The following PPA1 variants were observed in gnomAD, a reference collection of about 807,000 sequenced individuals.
The protein encoded by PPA1 is inorganic pyrophosphatase 1.
A neutral mutation model predicts 41.8 loss-of-function variants in PPA1; 23 were observed. The observed-to-expected ratio is 0.55, with a 90% CI of 0.40 to 0.78. The LOEUF is 0.78. Among genes scored for constraint, PPA1 ranks in the 30% least tolerant of loss-of-function variants. PPA1 has a pLI of 0.00. For synonymous variants in PPA1, 101 were observed against 116.8 expected, an observed-to-expected ratio of 0.86 and a Z score of 0.87; for missense variants, 320 against 361.6, an observed-to-expected ratio of 0.89 and a Z score of 0.93.
chr10:70,221,076 A>ATATATTTTTTTTTTTT (rs1224550178), intron 2 of PPA1, among the ~76,000 whole-genome samples: 3 of 40,050 alleles, frequency 7.5e-5, no homozygotes, highest in South Asian at 1.2e-3. Context: ...ATATATATAT[A>ATATATTTTTTTTTTTT]TTTTTTTTTT....
chr10:70,233,156 C>T, intron 1 of PPA1, 108 bp downstream of exon 1: 3 of 1,246,708 alleles, frequency 2.4e-6, no homozygotes, highest in Non-Finnish European at 3.2e-6. Flanking sequence ...GAGACGGGCC[C>T]GCGTCGGAGA....
At chr10:70,210,490 G>A in intron 6 of PPA1, 1 of 1,312,008 alleles carries the variant, frequency 7.6e-7, no homozygotes, top group Non-Finnish European at 1.0e-6. Flanking sequence ...ACTAGACTTT[G>A]CTGGATAGTA....
intron 4 of PPA1, among the ~76,000 whole-genome samples, chr10:70,215,569 C>T (rs181792810): frequency 6.6e-6 from 1 of 152,184 alleles, no homozygotes; most frequent in East Asian, 1.9e-4. Flanking sequence ...CAACCTCTGC[C>T]TCCCATGTTC....
intron 6 of PPA1, among the ~76,000 whole-genome samples, chr10:70,211,647 C>T (rs7898185): frequency 0.091 from 13,824 of 152,136 alleles, 850 homozygotes; most frequent in East Asian, 0.22. Flanking sequence ...ATACTACTTG[C>T]GCCATGGGAC....
chr10:70,216,745 C>T (rs1840085905), intron 4 of PPA1, among the ~76,000 whole-genome samples: 1 of 152,090 alleles, frequency 6.6e-6, no homozygotes. Flanking sequence ...CTGGCCTAGC[C>T]AAAATAGAAT....
At chr10:70,227,961 T>A (rs4746979) in intron 2 of PPA1, among the ~76,000 whole-genome samples, 136,048 of 152,140 alleles carry the variant, frequency 0.89, 61,019 homozygotes, top group East Asian at 1. Context: ...ATTTTTTTTT[T>A]AAGGCTATAA....
At chr10:70,213,329 T>C in intron 6 of PPA1, 134 bp downstream of exon 6, 1 of 1,061,994 alleles carries the variant, frequency 9.4e-7, no homozygotes, top group South Asian at 1.9e-5. Flanking sequence ...ATAGAAATAA[T>C]GCTTGTCCAG....
At position 70,203,205 on chromosome 10, in the gene PPA1, AAAAC is replaced by A; in HGVS notation, c.839-23_839-20del. On this transcript the variant is annotated intron_variant, in intron 10 of 10. Coordinates refer to ENST00000373232, the MANE Select transcript of PPA1 (RefSeq NM_021129.4). ...TTATCCACTGTATTCAGAGAAAAGAAAAACAAATTAGAATTCCTGTTGAGAATCA... is the reference window on the plus strand; with the variant it reads ...TTATCCACTGTATTCAGAGAAAAGAAAAATTAGAATTCCTGTTGAGAATCA... 1.3e-6 allele frequency: 2 copies of A among 1,597,168 alleles called. No homozygotes were observed. Among genetic ancestry groups the A allele is most frequent in the Non-Finnish European group, 1.7e-6 (2 of 1,168,188 alleles).
chr10:70,209,069 CA>C (rs1839983249), intron 8 of PPA1, 135 bp downstream of exon 8: 1 of 569,122 alleles, frequency 1.8e-6, no homozygotes. Context: ...GCTGGAATGA[CA>C]GGTGTGAGCC....
Position 70,233,384 on chromosome 10 carries a change from C to G in PPA1, c.-57G>C. The G allele has an allele frequency of 6.6e-7, 1 of 1,524,526 alleles. No individual in the cohort carries two copies. The allele number at this position is 1,524,526 out of a possible 1,614,324, so 94.4% of individuals were successfully genotyped here. Reference sequence around the variant, plus strand: ...AGAGCCACCAGCCCGCACGCGGCGCCGACTGACAAGGAGAGAGCCCCACGC... The same window carrying G: ...AGAGCCACCAGCCCGCACGCGGCGCGGACTGACAAGGAGAGAGCCCCACGC... On this transcript the variant is annotated 5_prime_UTR_variant, in exon 1 of 11. Transcript: ENST00000373232.
intron 2 of PPA1, among the ~76,000 whole-genome samples, chr10:70,222,179 C>CA (rs529045695): frequency 3.3e-5 from 5 of 151,344 alleles, no homozygotes; most frequent in Non-Finnish European, 5.9e-5. Context: ...ACTAAAAATA[C>CA]AAAAAAATTA....
chr10:70,206,436 T>A (rs1011698910), intron 8 of PPA1, 103 bp from the exon 9 acceptor site: 3 of 816,674 alleles, frequency 3.7e-6, no homozygotes, highest in Non-Finnish European at 6.1e-6. Context: ...TATTCAAGTT[T>A]AGTTTAGTCG....
intron 3 of PPA1, 30 bp downstream of exon 3, chr10:70,218,734 G>C: frequency 1.3e-6 from 2 of 1,559,500 alleles, no homozygotes; most frequent in Non-Finnish European, 1.8e-6. Context: ...AATATCCTAA[G>C]TCTGACTCAA....
chr10:70,230,181 T>C (rs1840274189), intron 2 of PPA1, among the ~76,000 whole-genome samples, 160 bp downstream of exon 2: 1 of 152,052 alleles, frequency 6.6e-6, no homozygotes, highest in Non-Finnish European at 1.5e-5. Flanking sequence ...AGTGCTGGGA[T>C]TACAGGCGTG....
rs1840137236 is a variant in PPA1 at position 70,220,658 on chromosome 10, TTATATATAATTTATATATATATAA to T, written c.124-1865_124-1842del. ...ATAATATATATAATTTATATATATA[TTATATATAATTTATATATATATAA>T]TATATATAATTTATATATATATAAT... On this transcript the variant is annotated intron_variant, in intron 2 of 10. Transcript: ENST00000373232. 2.2e-3 allele frequency among the ~76,000 whole-genome samples: 3 copies of T among 1,338 alleles called. 1 individual carries two copies. The highest frequency in any genetic ancestry group is 3.0e-3 in the African/African-American group (1 of 332). The allele number at this position is 1,338 out of a possible 152,430, so 0.9% of individuals were successfully genotyped here.
intron 8 of PPA1, among the ~76,000 whole-genome samples, chr10:70,208,157 T>C (rs11817476): frequency 0.04 from 6,129 of 152,234 alleles, 169 homozygotes; most frequent in Non-Finnish European, 0.063. Flanking sequence ...GCCATTGCAC[T>C]CCAGCCTGGG....
chr10:70,211,640 C>T lies in PPA1; in HGVS notation c.511+1823G>A, dbSNP rs148349033. On this transcript the variant is annotated intron_variant, in intron 6 of 10. Transcript: ENST00000373232. ...GGTTGACATTAGGGAAAGCTGCATA[C>T]TACTTGCGCCATGGGACCAGCCACC... Among the ~76,000 whole-genome samples, 569 of 152,292 alleles carry T rather than the reference C, an allele frequency of 3.7e-3. 7 individuals are homozygous for T. Among genetic ancestry groups the T allele is most frequent in the African/African-American group, 0.013 (547 of 41,562 alleles).
At chr10:70,232,759 T>C (rs1223577800) in intron 1 of PPA1, among the ~76,000 whole-genome samples, 6 of 151,932 alleles carry the variant, frequency 3.9e-5, no homozygotes, top group South Asian at 2.1e-4. Context: ...CGGGCCTCAG[T>C]TTTCCCGTCT....
rs867694030 is a variant in PPA1, at chr10:70,221,030, A to T, written c.124-2213T>A. ...CATATATATAATTTATATATATAAT[A>T]TATATATAAATTATATATATATATA... On this transcript the variant is annotated intron_variant, in intron 2 of 10. Transcript: ENST00000373232. 4.2e-3 allele frequency among the ~76,000 whole-genome samples: 312 copies of T among 75,090 alleles called. 21 individuals are homozygous for T. Among genetic ancestry groups the T allele is most frequent in the African/African-American group, 0.021 (302 of 14,202 alleles). The allele number at this position is 75,090 out of a possible 152,430, so 49.3% of individuals were successfully genotyped here.
Sources: gnomAD v4.1 joint callset for allele counts (sites outside exome capture counted in the v4.1 genomes callset) on GRCh38, gnomAD v4.1.1 for gene constraint, MANE v1.5 for transcripts, NCBI Gene and HGNC (gene_info 2026-07-23, HGNC 2026-07-21) for gene names.